Variants in NUP85 observed in about 807,000 individuals in gnomAD.
NUP85 encodes the protein nuclear pore complex protein Nup85.
NUP85 carries 23 observed loss-of-function variants against 92.8 expected under a neutral mutation model. The ratio of observed to expected loss-of-function variants is 0.25; its 90% CI spans 0.18 to 0.35. The LOEUF (loss-of-function observed/expected upper bound fraction) is 0.35, where lower values mean the gene tolerates loss of function less well. Among genes scored for constraint, NUP85 ranks in the 10% least tolerant of loss-of-function variants. The pLI, the probability that NUP85 is intolerant of heterozygous loss-of-function variation, is 1.00. For synonymous variants in NUP85, 314 were observed against 306.9 expected (o/e 1.02, Z -0.24); for missense variants, 759 against 822.8 (o/e 0.92, Z 0.95).
intron 5 of NUP85, among the ~76,000 whole-genome samples, chr17:75,215,253 C>T (rs2075395007): frequency 6.6e-6 from 1 of 152,146 alleles, no homozygotes; most frequent in Non-Finnish European, 1.5e-5. Context: ...CTCGCTCTTG[C>T]CCAGGCTGGA....
chr17:75,212,930 A>C (rs918679849), intron 4 of NUP85, 146 bp from the exon 5 acceptor site: 6 of 822,982 alleles, frequency 7.3e-6, no homozygotes, highest in Non-Finnish European at 1.1e-5. Flanking sequence ...GCAACAAAAA[A>C]ATCCATAATT....
At chr17:75,209,335 G>A (rs2075185079) in intron 2 of NUP85, among the ~76,000 whole-genome samples, 2 of 152,038 alleles carry the variant, frequency 1.3e-5, no homozygotes, top group South Asian at 4.1e-4. Context: ...ATTTTCCTGA[G>A]TTCCATCAGC....
At chr17:75,211,949 A>G (rs757003424) in intron 3 of NUP85, 43 bp from the exon 4 acceptor site, 2 of 1,479,508 alleles carry the variant, frequency 1.4e-6, no homozygotes, top group African/African-American at 1.4e-5. Context: ...TGGCACTACA[A>G]GATGTTCCAG....
rs59061297 is a variant in NUP85, at chr17:75,218,079, C to T, written c.476-106C>T. On this transcript the variant is annotated intron_variant, in intron 6 of 18. Coordinates refer to ENST00000245544, the MANE Select transcript of NUP85 (RefSeq NM_024844.5). ...GTGTGACTGCTTAAAAGGGATAAAC[C>T]TATGTAGTCAGCTTGTCTGCCTTAA... is the stretch of plus-strand genomic sequence containing the variant. 1.1e-3 allele frequency: 1,549 copies of T among 1,461,546 alleles called. 14 individuals are homozygous for T. In the African/African-American group the frequency reaches 0.019, roughly 18 times the overall value. The allele number at this position is 1,461,546 out of a possible 1,614,324, so 90.5% of individuals were successfully genotyped here. A position where few individuals can be genotyped will look rare whatever the true frequency, so the allele number is the denominator to read the frequency against.
chr17:75,219,324 G>A (rs77125359), intron 7 of NUP85, among the ~76,000 whole-genome samples: 4,447 of 152,276 alleles, frequency 0.029, 100 homozygotes, highest in Non-Finnish European at 0.044. Flanking sequence ...CGGCCTGGGC[G>A]GGAGTGCAGT....
intron 5 of NUP85, among the ~76,000 whole-genome samples, chr17:75,214,857 AAAAAAAAAAAC>A (rs964836788): frequency 6.5e-4 from 5 of 7,700 alleles, no homozygotes; most frequent in South Asian, 0.013. Context: ...ACTCTGTCTC[AAAAAAAAAAAC>A]AAAAAACAAA....
intron 4 of NUP85, among the ~76,000 whole-genome samples, 166 bp downstream of exon 4, chr17:75,212,228 GGTT>G (rs1285901246): frequency 4.7e-5 from 4 of 84,564 alleles, no homozygotes; most frequent in African/African-American, 9.4e-5. Flanking sequence ...ATCATTTAGA[GGTT>G]TTTTTTTTTG....
chr17:75,219,974 C>T (rs545021805), intron 7 of NUP85, among the ~76,000 whole-genome samples: 2 of 152,092 alleles, frequency 1.3e-5, no homozygotes, highest in Non-Finnish European at 2.9e-5. Context: ...AAAGACAGAG[C>T]GATACCAGGC....
chr17:75,221,487 T>G (rs1225608404), intron 7 of NUP85, among the ~76,000 whole-genome samples: 1 of 152,158 alleles, frequency 6.6e-6, no homozygotes, highest in Non-Finnish European at 1.5e-5. Context: ...CCTGTTGCCT[T>G]GGCCTCCCAA....
At chr17:75,228,210 G>A (rs2075898803) in intron 11 of NUP85, 8 of 985,380 alleles carry the variant, frequency 8.1e-6, no homozygotes, top group Non-Finnish European at 8.4e-6. Flanking sequence ...GATGCAGGGA[G>A]TATAAAAGGG....
intron 11 of NUP85, chr17:75,228,781 C>T (rs2075925375): frequency 1.0e-6 from 1 of 985,372 alleles, no homozygotes; most frequent in Non-Finnish European, 1.2e-6. Flanking sequence ...TAAGTGGGCC[C>T]CTGATTTACT....
rs992787493 is a variant in NUP85 at position 75,212,478 on chromosome 17, T to G, written c.361+416T>G. ...AGCCACTGTGCCTGGAGTTTTTTTT[T>G]TTTTTTTTTTTTTTTTTTGAGACAA... On this transcript the variant is annotated intron_variant, in intron 4 of 18. Coordinates refer to ENST00000245544, the MANE Select transcript of NUP85 (RefSeq NM_024844.5). Among the ~76,000 whole-genome samples, 147 of 139,712 alleles carry G rather than the reference T, an allele frequency of 1.1e-3. 5 individuals carry two copies. The highest frequency in any genetic ancestry group is 3.2e-3 in the African/African-American group (121 of 37,610). 91.7% of individuals were successfully genotyped at this position (139,712 alleles called of 152,430 possible).
rs2145348930 is a variant in NUP85, at chr17:75,224,971, G to A, written c.598-132G>A. ...AAGAGCCATCATTCTTCCCAGGGCA[G>A]ACTCAGGTGCAGAAAGAAGCCTGTG... On this transcript the variant is annotated intron_variant, in intron 7 of 18. Coordinates refer to ENST00000245544, the MANE Select transcript of NUP85 (RefSeq NM_024844.5). 4 of 826,188 alleles carry A rather than the reference G, an allele frequency of 4.8e-6. No homozygotes were observed. The South Asian group carries it at 8.2e-5, about 17-fold the overall frequency. The allele number at this position is 826,188 out of a possible 1,614,324, so 51.2% of individuals were successfully genotyped here. A position where few individuals can be genotyped will look rare whatever the true frequency, so the allele number is the denominator to read the frequency against.
intron 2 of NUP85, 35 bp from the exon 3 acceptor site, chr17:75,209,788 T>C (rs757991620): frequency 3.9e-6 from 6 of 1,551,842 alleles, no homozygotes; most frequent in Non-Finnish European, 8.6e-7. Context: ...ATGATCATAA[T>C]AGATGTTAAA....
intron 16 of NUP85, 43 bp downstream of exon 16, chr17:75,233,201 G>A: frequency 6.5e-7 from 1 of 1,547,590 alleles, no homozygotes; most frequent in Non-Finnish European, 8.9e-7. Flanking sequence ...GGCACAAGTG[G>A]GTAGTTGGGG....
chr17:75,228,192 G>T, intron 11 of NUP85: 4 of 985,368 alleles, frequency 4.1e-6, no homozygotes, highest in Non-Finnish European at 2.4e-6. Context: ...AGCAGAAGAA[G>T]TCTGTTGGAT....
chr17:75,222,132 C>T (rs1397090319), intron 7 of NUP85, among the ~76,000 whole-genome samples: 3 of 152,044 alleles, frequency 2.0e-5, no homozygotes, highest in African/African-American at 4.8e-5. Context: ...CAGCCTTGAC[C>T]GCCTAAGCTC....
At chr17:75,217,313 G>T (rs1265341661) in intron 6 of NUP85, among the ~76,000 whole-genome samples, 1 of 151,946 alleles carries the variant, frequency 6.6e-6, no homozygotes, top group African/African-American at 2.4e-5. Flanking sequence ...GCCCATCTTG[G>T]CCTCGCAAAA....
At position 75,227,003 on chromosome 17, in the gene NUP85, TAATC is replaced by T. The variant is rs200178363; in HGVS notation, c.1094+853_1094+856del. On this transcript the variant is annotated intron_variant, in intron 11 of 18. Transcript: ENST00000245544. Reference sequence around the variant, plus strand: ...AAGGCAGGAAAGGGAGTGCCAAACATAATCAATCAAAGGTAAACCTTTCCAGAAC... The same window carrying T: ...AAGGCAGGAAAGGGAGTGCCAAACATAATCAAAGGTAAACCTTTCCAGAAC... The T allele has an allele frequency of 3.0e-3, 720 of 241,226 alleles. 5 individuals carry two copies. The highest frequency in any genetic ancestry group is 0.024 in the East Asian group (191 of 7,848). 14.9% of individuals were successfully genotyped at this position (241,226 alleles called of 1,614,324 possible).
Sources: gnomAD v4.1 joint callset for allele counts (sites outside exome capture counted in the v4.1 genomes callset) on GRCh38, gnomAD v4.1.1 for gene constraint, MANE v1.5 for transcripts, NCBI Gene and HGNC (gene_info 2026-07-23, HGNC 2026-07-21) for gene names.